Variants in SANBR observed in about 807,000 individuals in gnomAD.
The protein encoded by SANBR is SANT and BTB domain regulator of class switch recombination.
Under a neutral mutation model 101.8 loss-of-function variants are expected in SANBR, and 77 were observed. That is an observed-to-expected ratio of 0.76 (90% CI 0.63 to 0.91). The LOEUF is 0.91. Among genes scored for constraint, SANBR ranks in the 40% least tolerant of loss-of-function variants. The pLI, the probability that SANBR is intolerant of heterozygous loss-of-function variation, is 0.00. For missense variants in SANBR, 875 were observed against 853.0 expected, an observed-to-expected ratio of 1.03 and a Z score of -0.32; for synonymous variants, 279 against 274.7, an observed-to-expected ratio of 1.02 and a Z score of -0.15.
At chr2:61,079,808 G>A (rs1293405131) in intron 6 of SANBR, among the ~76,000 whole-genome samples, 1 of 152,028 alleles carries the variant, frequency 6.6e-6, no homozygotes, top group Admixed American at 6.6e-5. Context: ...GGCTGAGGAG[G>A]AGAATCTCTT....
chr2:61,081,415 C>A, intron 6 of SANBR, 37 bp from the exon 7 acceptor site: 1 of 1,556,764 alleles, frequency 6.4e-7, no homozygotes. Flanking sequence ...ATTGGGGTAC[C>A]CATCAAAAGG....
At chr2:61,077,783 C>A (rs1681873854) in intron 6 of SANBR, among the ~76,000 whole-genome samples, 2 of 152,162 alleles carry the variant, frequency 1.3e-5, no homozygotes, top group African/African-American at 4.8e-5. Flanking sequence ...TATTTTCAGT[C>A]CTGAGGTAAA....
intron 10 of SANBR, among the ~76,000 whole-genome samples, chr2:61,090,909 C>CTTTT (rs747161495): frequency 7.2e-6 from 1 of 139,258 alleles, no homozygotes; most frequent in Non-Finnish European, 1.6e-5. Context: ...TTTAAAATTC[C>CTTTT]TTTTTTTTTT....
At chr2:61,120,836 T>A (rs1176133733) in intron 20 of SANBR, among the ~76,000 whole-genome samples, 1 of 152,234 alleles carries the variant, frequency 6.6e-6, no homozygotes, top group Non-Finnish European at 1.5e-5. Context: ...TTATATAATG[T>A]TCTGGAAAAT....
In SANBR at chr2:61,106,568, T is replaced by C. The variant is rs751853215; in HGVS notation, c.1517T>C (p.Val506Ala). The change falls in exon 14 of 22, where the codon GTT (valine) becomes GCT (alanine). Residue 506 changes from valine to alanine, a missense_variant. By Grantham distance (64) the Val-to-Ala change is moderately conservative. Coordinates refer to ENST00000402291, the MANE Select transcript of SANBR (RefSeq NM_001129993.3). Reference sequence around the variant, plus strand: ...AAATGTCTTTTTCTTTCAAGTGATGTTGGGGTTGGCCTCTGTGATGAAAAG... The same window carrying C: ...AAATGTCTTTTTCTTTCAAGTGATGCTGGGGTTGGCCTCTGTGATGAAAAG... ...VPFSKDTVSD[V>A]GVGLCDEKGI... 1 of 1,589,330 alleles carries C rather than the reference T, an allele frequency of 6.3e-7. No homozygotes were observed. The highest frequency in any genetic ancestry group is 8.6e-7 in the Non-Finnish European group (1 of 1,169,334).
rs1358839491 is a variant in SANBR at position 61,077,151 on chromosome 2, C to A, written c.663C>A (p.Pro221=). 1.3e-6 allele frequency: 2 copies of A among 1,587,104 alleles called. No homozygotes were observed. Among genetic ancestry groups the A allele is most frequent in the South Asian group, 1.1e-5 (1 of 89,536 alleles). The change falls in exon 6 of 22, where the codon CCC becomes CCA. Residue 221 remains proline (P), a synonymous_variant. Coordinates refer to ENST00000402291, the MANE Select transcript of SANBR (RefSeq NM_001129993.3). ...NTKENKDCEM[P]TLEPGNVISI... is the part of the protein sequence containing the mutation. ...AGGAGAATAAAGATTGTGAGATGCCCACTTTAGGTAAAAAACAATCTGTTG... is the reference window on the plus strand; with the variant it reads ...AGGAGAATAAAGATTGTGAGATGCCAACTTTAGGTAAAAAACAATCTGTTG...
chr2:61,104,684 A>G (rs1449863995), intron 13 of SANBR, among the ~76,000 whole-genome samples: 1 of 152,164 alleles, frequency 6.6e-6, no homozygotes, highest in Non-Finnish European at 1.5e-5. Flanking sequence ...CATGAGTATG[A>G]ACTTCTCAAA....
chr2:61,121,679 T>C (rs1398990260), intron 21 of SANBR: 1 of 172,620 alleles, frequency 5.8e-6, no homozygotes, highest in Admixed American at 5.9e-5. Context: ...ATGGGTCTTA[T>C]GTCATTTTAC....
chr2:61,093,786 TACA>T (rs754572757), intron 11 of SANBR, among the ~76,000 whole-genome samples: 38 of 152,348 alleles, frequency 2.5e-4, no homozygotes, highest in Non-Finnish European at 4.9e-4. Context: ...CCTTTGTTGT[TACA>T]ACAATTTTGT....
intron 5 of SANBR, among the ~76,000 whole-genome samples, chr2:61,075,894 A>G (rs56083854): frequency 0.063 from 9,521 of 152,078 alleles, 1,030 homozygotes; most frequent in African/African-American, 0.22. Context: ...CCACACCCAT[A>G]ACTGTGTAAA....
intron 6 of SANBR, among the ~76,000 whole-genome samples, chr2:61,079,962 C>T (rs963969304): frequency 1.3e-5 from 2 of 151,562 alleles, no homozygotes; most frequent in Non-Finnish European, 2.9e-5. Context: ...CACTGGGAGG[C>T]CGAGGCGGAC....
At chr2:61,091,348 T>C (rs1229669855) in intron 10 of SANBR, among the ~76,000 whole-genome samples, 1 of 151,856 alleles carries the variant, frequency 6.6e-6, no homozygotes, top group Non-Finnish European at 1.5e-5. Flanking sequence ...TCCTAGCACT[T>C]TGGGAGACTG....
chr2:61,120,607 T>G (rs770563299), intron 20 of SANBR, among the ~76,000 whole-genome samples: 2 of 152,094 alleles, frequency 1.3e-5, no homozygotes, highest in Non-Finnish European at 2.9e-5. Flanking sequence ...TGCACACCTG[T>G]GAGGTCTCAG....
At chr2:61,114,872 T>G (rs1290583229) in intron 16 of SANBR, among the ~76,000 whole-genome samples, 1 of 152,150 alleles carries the variant, frequency 6.6e-6, no homozygotes, top group Non-Finnish European at 1.5e-5. Context: ...GCCCAGGATG[T>G]TCTTGAACTC....
In SANBR at chr2:61,117,508, T is replaced by C. The variant is rs1228129752; in HGVS notation, c.1907T>C (p.Leu636Ser). 2 of 1,613,810 alleles carry C rather than the reference T, an allele frequency of 1.2e-6. No individual in the cohort carries two copies. The highest frequency in any genetic ancestry group is 2.2e-5 in the South Asian group (2 of 91,076). ...AATAAGTGGGATGCCACAAGATCCT[T>C]GAGATTCAACCAGGATGCACAAAGA... The part of the protein sequence containing the change: ...QKNKWDATRS[L>S]RFNQDAQRED... Residue 636 changes from leucine to serine, a missense_variant, in exon 19 of 22, where the codon TTG (leucine) becomes TCG (serine). By Grantham distance (145) the Leu-to-Ser change is moderately radical (BLOSUM62 -2). Coordinates refer to ENST00000402291, the MANE Select transcript of SANBR (RefSeq NM_001129993.3).
At chr2:61,110,911 T>G (rs2104948015) in intron 16 of SANBR, among the ~76,000 whole-genome samples, 1 of 152,162 alleles carries the variant, frequency 6.6e-6, no homozygotes, top group South Asian at 2.1e-4. Context: ...GTCATACAAC[T>G]TAGTGAACCC....
intron 12 of SANBR, among the ~76,000 whole-genome samples, chr2:61,101,839 C>T (rs896806292): frequency 2.0e-5 from 3 of 151,266 alleles, no homozygotes. Context: ...GAGTTCAAGA[C>T]CAGCCTGGCC....
In SANBR at chr2:61,073,372, C is replaced by G; in HGVS notation, c.338-86C>G. 3 of 566,052 alleles carry G rather than the reference C, an allele frequency of 5.3e-6. No individual in the cohort carries two copies. The South Asian group carries it at 9.8e-5, about 18-fold the overall frequency. The allele number at this position is 566,052 out of a possible 1,614,324, so 35.1% of individuals were successfully genotyped here. On this transcript the variant is annotated intron_variant, in intron 4 of 21. Transcript: ENST00000402291. ...TGGAAACCATGCATTTACAGTATTA[C>G]CATTCAATAAATAAAAACCCATTCT...
At chr2:61,109,422 G>A (rs1012597970) in intron 16 of SANBR, 126 bp downstream of exon 16, 1 of 468,788 alleles carries the variant, frequency 2.1e-6, no homozygotes, top group Non-Finnish European at 3.8e-6. Context: ...AAAAAAAATT[G>A]AAAGGAGACA....
Sources: allele counts gnomAD v4.1 joint callset (sites outside exome capture counted in the v4.1 genomes callset), GRCh38; gene constraint gnomAD v4.1.1; transcripts MANE v1.5; gene names NCBI Gene and HGNC (gene_info 2026-07-23, HGNC 2026-07-21).